The following PTPRD variants were observed in gnomAD, a reference collection of about 807,000 sequenced individuals.
PTPRD encodes the protein protein tyrosine phosphatase receptor type D.
Under a neutral mutation model 214.5 loss-of-function variants are expected in PTPRD, and 34 were observed. The observed-to-expected ratio is 0.16, with a 90% confidence interval of 0.12 to 0.21. The LOEUF is 0.21. PTPRD is among the 10% of genes least tolerant of loss of function. The pLI is 1.00. For missense variants in PTPRD, 2,545 were observed against 2,398.7 expected (o/e 1.06, Z -1.27); for synonymous variants, 1,128 against 845.7 (o/e 1.33, Z -5.79).
intron 10 of PTPRD, among the ~76,000 whole-genome samples, chr9:9,085,502 C>T (rs1569535449): frequency 6.6e-6 from 1 of 152,048 alleles, no homozygotes; most frequent in Non-Finnish European, 1.5e-5. Flanking sequence ...TATTATTTTT[C>T]AGGAAGAATA....
intron 3 of PTPRD, among the ~76,000 whole-genome samples, chr9:10,053,864 G>T (rs550787142): frequency 4.6e-4 from 70 of 152,172 alleles, no homozygotes; most frequent in African/African-American, 1.7e-3. Flanking sequence ...GTTCAAGAGA[G>T]TCTCGTGCCT....
At chr9:10,220,044 A>G (rs1432637224) in intron 3 of PTPRD, among the ~76,000 whole-genome samples, 1 of 151,802 alleles carries the variant, frequency 6.6e-6, no homozygotes, top group East Asian at 1.9e-4. Context: ...ACACAGAATA[A>G]CTGGTTGGAA....
chr9:8,529,798 T>C (rs1293089638), intron 14 of PTPRD, among the ~76,000 whole-genome samples: 2 of 152,154 alleles, frequency 1.3e-5, no homozygotes, highest in Non-Finnish European at 1.5e-5. Context: ...ATCATGAATT[T>C]TTGTTATTAT....
At chr9:8,846,218 C>T (rs2814722) in intron 11 of PTPRD, among the ~76,000 whole-genome samples, 136,312 of 152,210 alleles carry the variant, frequency 0.9, 61,031 homozygotes, top group Middle Eastern at 0.95. Context: ...ATAGACAATA[C>T]CATCGTAAAC....
Position 8,549,957 on chromosome 9 carries a change from AAAG to A in PTPRD, c.353-21181_353-21179del, listed in dbSNP as rs1465151173. 2.0e-5 allele frequency among the ~76,000 whole-genome samples: 3 copies of A among 152,184 alleles called. No individual in the cohort carries two copies. The East Asian group carries it at 5.8e-4, about 29-fold the overall frequency. On this transcript the variant is annotated intron_variant, in intron 14 of 45. Coordinates refer to ENST00000381196, the MANE Select transcript of PTPRD (RefSeq NM_002839.4). ...TATAGTTCCTGGCATGAAGCATCTG[AAAG>A]AAGATTAAAATTAATGTAGGAGTGC... is the stretch of plus-strand genomic sequence containing the variant.
chr9:9,479,370 CACAT>C (rs1173395981), intron 8 of PTPRD, among the ~76,000 whole-genome samples: 5 of 151,710 alleles, frequency 3.3e-5, no homozygotes, highest in Non-Finnish European at 7.4e-5. Flanking sequence ...CACACACACA[CACAT>C]ACACTCATTG....
At chr9:9,414,819 T>G (rs565910911) in intron 8 of PTPRD, 2 of 152,152 alleles carry the variant, frequency 1.3e-5, no homozygotes, top group Non-Finnish European at 2.9e-5. Flanking sequence ...GCATGCTCCC[T>G]TTTTCTATGG....
chr9:9,683,567 C>T (rs939827670), intron 7 of PTPRD, among the ~76,000 whole-genome samples: 24 of 151,736 alleles, frequency 1.6e-4, no homozygotes, highest in African/African-American at 5.3e-4. Context: ...CCCTAGTTTG[C>T]TTTTGGAAAG....
intron 8 of PTPRD, among the ~76,000 whole-genome samples, chr9:9,475,930 A>G (rs1387647813): frequency 6.6e-6 from 1 of 152,164 alleles, no homozygotes. Context: ...AGTTTCACAC[A>G]TTGTAGGGAT....
At chr9:8,634,321 T>C (rs2096357785) in intron 13 of PTPRD, among the ~76,000 whole-genome samples, 1 of 152,056 alleles carries the variant, frequency 6.6e-6, no homozygotes, top group Non-Finnish European at 1.5e-5. Context: ...CTATGCTGCA[T>C]TCCTTCAGCT....
intron 44 of PTPRD, 33 bp from the exon 45 acceptor site, chr9:8,319,999 G>A (rs769968925): frequency 1.9e-6 from 3 of 1,606,864 alleles, no homozygotes; most frequent in Admixed American, 1.7e-5. Context: ...GTTACTGGGT[G>A]AGATGTTCAC....
intron 10 of PTPRD, among the ~76,000 whole-genome samples, chr9:9,040,323 T>G (rs572540268): frequency 6.6e-6 from 1 of 152,332 alleles, no homozygotes; most frequent in Non-Finnish European, 1.5e-5. Flanking sequence ...CAGAGTCTTC[T>G]GGTGATGGGC....
intron 8 of PTPRD, among the ~76,000 whole-genome samples, chr9:9,481,506 A>T (rs76169876): frequency 0.015 from 2,302 of 152,296 alleles, 37 homozygotes; most frequent in Non-Finnish European, 0.024. Flanking sequence ...CCCATAGTAC[A>T]TTTAGAGGTC....
chr9:10,357,660 G>C (rs941372209), intron 2 of PTPRD, among the ~76,000 whole-genome samples: 2 of 152,122 alleles, frequency 1.3e-5, no homozygotes, highest in Non-Finnish European at 2.9e-5. Context: ...TCTTTAAAGT[G>C]AAAACAAGTT....
In PTPRD at chr9:9,087,878, CTTTTTTTTTT is replaced by C. The variant is rs59824704; in HGVS notation, c.-142-69153_-142-69144del. Among the ~76,000 whole-genome samples, 7 of 68,648 alleles carry C rather than the reference CTTTTTTTTTT, an allele frequency of 1.0e-4. No homozygotes were observed. The East Asian group carries it at 3.1e-3, about 31-fold the overall frequency. 45.0% of individuals were successfully genotyped at this position (68,648 alleles called of 152,430 possible). A position where few individuals can be genotyped will look rare whatever the true frequency, so the allele number is the denominator to read the frequency against. On this transcript the variant is annotated intron_variant, in intron 10 of 45. Transcript: ENST00000381196. ...TTATTTTCCACCAGAGCCCTAAACT[CTTTTTTTTTT>C]TTTTTTTTTTTTTTTTGAGACAGAG...
At chr9:9,220,726 T>G (rs2099955427) in intron 9 of PTPRD, among the ~76,000 whole-genome samples, 1 of 152,140 alleles carries the variant, frequency 6.6e-6, no homozygotes, top group South Asian at 2.1e-4. Flanking sequence ...AAATGTAATT[T>G]GACTATATGT....
At chr9:8,433,464 G>A (rs147664870) in intron 35 of PTPRD, among the ~76,000 whole-genome samples, 1 of 152,198 alleles carries the variant, frequency 6.6e-6, no homozygotes, top group African/African-American at 2.4e-5. Flanking sequence ...CCAGAAGAAG[G>A]CATTATCATC....
intron 11 of PTPRD, among the ~76,000 whole-genome samples, chr9:8,812,569 A>G (rs2096832157): frequency 6.6e-6 from 1 of 152,152 alleles, no homozygotes; most frequent in Non-Finnish European, 1.5e-5. Flanking sequence ...ATCAACTAAG[A>G]GAGGCAGGGG....
At position 9,665,798 on chromosome 9, in the gene PTPRD, C is replaced by G. The variant is rs141538017; in HGVS notation, c.-287+68735G>C. ...TTAACGTAACACTCCCTTCACAGTA[C>G]TGAGGTAAACTAAGAAATTTGTTTG... On this transcript the variant is annotated intron_variant, in intron 7 of 45. Transcript: ENST00000381196. Among the ~76,000 whole-genome samples the G allele has an allele frequency of 5.5e-3, 835 of 151,972 alleles. 7 individuals are homozygous for G. The highest frequency in any genetic ancestry group is 0.022 in the South Asian group (107 of 4,822).
Sources: gnomAD v4.1 joint callset for allele counts (sites outside exome capture counted in the v4.1 genomes callset) on GRCh38, gnomAD v4.1.1 for gene constraint, MANE v1.5 for transcripts, NCBI Gene and HGNC (gene_info 2026-07-23, HGNC 2026-07-21) for gene names.